The following KIF16B variants were observed in gnomAD, a reference collection of about 807,000 sequenced individuals.
The protein encoded by KIF16B is kinesin family member 16B, also known as kinesin-like protein KIF16B.
A neutral mutation model predicts 156.3 loss-of-function variants in KIF16B; 98 were observed. The ratio of observed to expected loss-of-function variants is 0.63; its 90% CI spans 0.53 to 0.74. The LOEUF is 0.74. KIF16B is among the 30% of genes least tolerant of loss of function. KIF16B has a pLI of 0.00. For synonymous variants in KIF16B, 564 were observed against 583.7 expected, an observed-to-expected ratio of 0.97 and a Z score of 0.49; for missense variants, 1,421 against 1,606.5, an observed-to-expected ratio of 0.88 and a Z score of 1.97.
At chr20:16,397,714 C>G (rs2065545068) in intron 17 of KIF16B, among the ~76,000 whole-genome samples, 1 of 152,154 alleles carries the variant, frequency 6.6e-6, no homozygotes, top group Non-Finnish European at 1.5e-5. Flanking sequence ...TACACAATAC[C>G]AAAGAAACCA....
intron 17 of KIF16B, among the ~76,000 whole-genome samples, chr20:16,382,639 TTTAA>T (rs1422247973): frequency 6.6e-6 from 1 of 152,224 alleles, no homozygotes; most frequent in African/African-American, 2.4e-5. Flanking sequence ...AAATACTATA[TTTAA>T]TTATCGCAAA....
chr20:16,293,790 T>C (rs1455056634), intron 25 of KIF16B, among the ~76,000 whole-genome samples: 2 of 152,032 alleles, frequency 1.3e-5, no homozygotes, highest in African/African-American at 2.4e-5. Flanking sequence ...AATTGAGCAA[T>C]AATGTGAAGT....
At chr20:16,278,614 G>A (rs2063098860) in intron 25 of KIF16B, among the ~76,000 whole-genome samples, 1 of 152,188 alleles carries the variant, frequency 6.6e-6, no homozygotes, top group Admixed American at 6.5e-5. Context: ...GGACCCCCAT[G>A]GGTCTGTTCC....
chr20:16,504,247 CA>C, intron 10 of KIF16B, 124 bp downstream of exon 10: 1 of 956,770 alleles, frequency 1.0e-6, no homozygotes, highest in South Asian at 1.6e-5. Context: ...CTAACTCATT[CA>C]AAGCTTTACT....
chr20:16,303,095 C>G (rs1269145099), intron 25 of KIF16B, among the ~76,000 whole-genome samples: 1 of 152,058 alleles, frequency 6.6e-6, no homozygotes, highest in African/African-American at 2.4e-5. Flanking sequence ...CTTAAAAAAA[C>G]AATAATCATT....
chr20:16,488,677 T>C (rs1343522569), intron 12 of KIF16B, among the ~76,000 whole-genome samples: 4 of 152,178 alleles, frequency 2.6e-5, no homozygotes, highest in Non-Finnish European at 5.9e-5. Context: ...CAGCACAATA[T>C]TGTAGCCACG....
intron 12 of KIF16B, among the ~76,000 whole-genome samples, chr20:16,448,501 T>C (rs998712828): frequency 1.1e-3 from 161 of 152,164 alleles, no homozygotes; most frequent in African/African-American, 3.7e-3. Context: ...AGTAAGAAGG[T>C]AGGCAGTGTC....
chr20:16,314,496 G>A (rs2122728699), intron 24 of KIF16B, among the ~76,000 whole-genome samples: 1 of 152,272 alleles, frequency 6.6e-6, no homozygotes, highest in Non-Finnish European at 1.5e-5. Context: ...TTAGTTGGCT[G>A]ACATCCAACT....
At chr20:16,563,301 C>T (rs1424501351) in intron 1 of KIF16B, among the ~76,000 whole-genome samples, 1 of 152,190 alleles carries the variant, frequency 6.6e-6, no homozygotes, top group African/African-American at 2.4e-5. Context: ...TGACCAACCT[C>T]CCTGGAAGGA....
At chr20:16,514,478 T>C (rs113985230) in intron 4 of KIF16B, among the ~76,000 whole-genome samples, 64 of 150,892 alleles carry the variant, frequency 4.2e-4, no homozygotes, top group African/African-American at 1.5e-3. Flanking sequence ...AGACACCACA[T>C]GTGTGCCAGC....
At chr20:16,427,293 T>C (rs768401397) in intron 14 of KIF16B, 52 bp from the exon 15 acceptor site, 4 of 1,488,850 alleles carry the variant, frequency 2.7e-6, no homozygotes, top group South Asian at 2.5e-5. Context: ...TCTACTGCAA[T>C]GATTCCCAGC....
intron 1 of KIF16B, among the ~76,000 whole-genome samples, chr20:16,571,693 G>A (rs1026743578): frequency 5.9e-5 from 9 of 151,316 alleles, no homozygotes; most frequent in Non-Finnish European, 7.4e-5. Context: ...GCAGAGGCAC[G>A]GTGTCGGCTC....
At chr20:16,413,369 CA>C (rs1462470046) in intron 15 of KIF16B, among the ~76,000 whole-genome samples, 1 of 152,042 alleles carries the variant, frequency 6.6e-6, no homozygotes, top group Non-Finnish European at 1.5e-5. Context: ...AGTAAATCTG[CA>C]AACGTTTCTA....
At chr20:16,317,721 G>C (rs1359699074) in intron 24 of KIF16B, among the ~76,000 whole-genome samples, 1 of 152,212 alleles carries the variant, frequency 6.6e-6, no homozygotes, top group Non-Finnish European at 1.5e-5. Flanking sequence ...TGTCGGCCAG[G>C]CAGCAGCATC....
At chr20:16,400,018 A>C (rs2065609453) in intron 17 of KIF16B, among the ~76,000 whole-genome samples, 1 of 152,162 alleles carries the variant, frequency 6.6e-6, no homozygotes, top group Non-Finnish European at 1.5e-5. Context: ...AATGCCTTTC[A>C]ATGCAAGGAT....
intron 1 of KIF16B, among the ~76,000 whole-genome samples, chr20:16,548,645 T>C (rs2070507250): frequency 6.6e-6 from 1 of 152,158 alleles, no homozygotes; most frequent in Non-Finnish European, 1.5e-5. Flanking sequence ...AGTGGGCACA[T>C]TGCAAAACCA....
At chr20:16,298,158 T>C (rs540310464) in intron 25 of KIF16B, among the ~76,000 whole-genome samples, 7 of 152,206 alleles carry the variant, frequency 4.6e-5, no homozygotes, top group Non-Finnish European at 1.0e-4. Context: ...AATCAGAATA[T>C]ACTGGAACAA....
chr20:16,409,003 C>A (rs548903882), intron 15 of KIF16B, among the ~76,000 whole-genome samples: 6 of 152,192 alleles, frequency 3.9e-5, no homozygotes, highest in Non-Finnish European at 7.4e-5. Context: ...TTCAGACATA[C>A]GCTTTGCCTT....
chr20:16,314,861 C>T (rs1002017815), intron 24 of KIF16B, among the ~76,000 whole-genome samples: 1 of 152,092 alleles, frequency 6.6e-6, no homozygotes, highest in Admixed American at 6.5e-5. Context: ...ACACACTCCC[C>T]CCATGTTGCA....
Sources: allele counts gnomAD v4.1 joint callset (sites outside exome capture counted in the v4.1 genomes callset), GRCh38; gene constraint gnomAD v4.1.1; transcripts MANE v1.5; gene names NCBI Gene and HGNC (gene_info 2026-07-23, HGNC 2026-07-21).